Variants in CNRIP1 observed in about 807,000 individuals in gnomAD.
The protein encoded by CNRIP1 is CB1 cannabinoid receptor-interacting protein 1.
Under a neutral mutation model 15.2 loss-of-function variants are expected in CNRIP1, and 10 were observed. That is an observed-to-expected ratio of 0.66 (90% CI 0.41 to 1.12). The LOEUF is 1.12. CNRIP1 is among the 50% of genes most tolerant of loss of function. The pLI is 0.00. For missense variants in CNRIP1, 211 were observed against 214.7 expected, an observed-to-expected ratio of 0.98 and a Z score of 0.11; for synonymous variants, 91 against 83.2, an observed-to-expected ratio of 1.09 and a Z score of -0.51.
At position 68,293,413 on chromosome 2, in the gene CNRIP1, C is replaced by A; in HGVS notation, c.*449G>T. 2.0e-6 allele frequency: 2 copies of A among 986,342 alleles called. No individual in the cohort carries two copies. The highest frequency in any genetic ancestry group is 2.4e-6 in the Non-Finnish European group (2 of 830,512). The allele number at this position is 986,342 out of a possible 1,614,324, so 61.1% of individuals were successfully genotyped here. A position where few individuals can be genotyped will look rare whatever the true frequency, so the allele number is the denominator to read the frequency against. ...CTGCTTTGAAAGCTGGCAAACACTG[C>A]AAGTTACATGTTACCATATTACACA... On this transcript the variant is annotated 3_prime_UTR_variant, in exon 3 of 3. Transcript: ENST00000263655.
intron 2 of CNRIP1, among the ~76,000 whole-genome samples, chr2:68,308,699 G>A (rs923429438): frequency 4.6e-5 from 7 of 152,024 alleles, no homozygotes; most frequent in Admixed American, 2.6e-4. Context: ...ATAATGCTTG[G>A]TTTGAGCTTA....
downstream of CNRIP1, among the ~76,000 whole-genome samples, chr2:68,292,796 T>TGCCCGCCAAGCACCTGGGCCTGTGCTA: frequency 6.6e-6 from 1 of 152,152 alleles, no homozygotes; most frequent in Non-Finnish European, 1.5e-5. Flanking sequence ...ATTTTTTGAT[T>TGCCCGCCAAGCACCTGGGCCTGTGCTA]GCCCGCCAAG....
At chr2:68,286,044 T>C (rs2103873463) in intron 2 of CNRIP1, among the ~76,000 whole-genome samples, 1 of 152,310 alleles carries the variant, frequency 6.6e-6, no homozygotes. Flanking sequence ...ATTACCTATA[T>C]AGGTACTTAC....
At chr2:68,308,411 G>A (rs1157874782) in intron 2 of CNRIP1, among the ~76,000 whole-genome samples, 3 of 152,070 alleles carry the variant, frequency 2.0e-5, no homozygotes, top group Non-Finnish European at 2.9e-5. Context: ...TTGAAGAAGT[G>A]TCATATTTCT....
intron 2 of CNRIP1, among the ~76,000 whole-genome samples, chr2:68,298,212 G>C (rs1671458318): frequency 6.6e-6 from 1 of 151,950 alleles, no homozygotes; most frequent in African/African-American, 2.4e-5. Flanking sequence ...TTTTTGACCA[G>C]CACAAGGCAT....
chr2:68,294,206 A>G (rs1390691145), intron 2 of CNRIP1, among the ~76,000 whole-genome samples, 180 bp from the exon 3 acceptor site: 4 of 152,132 alleles, frequency 2.6e-5, no homozygotes, highest in Non-Finnish European at 5.9e-5. Flanking sequence ...GATGGGAGAT[A>G]TTTTCCTAAA....
intron 2 of CNRIP1, among the ~76,000 whole-genome samples, chr2:68,297,196 A>T (rs555983940): frequency 1.3e-5 from 2 of 152,376 alleles, no homozygotes; most frequent in East Asian, 3.9e-4. Flanking sequence ...AAAGGACCAT[A>T]TGCATTATTA....
At chr2:68,312,936 G>A (rs989759652) in intron 2 of CNRIP1, among the ~76,000 whole-genome samples, 8 of 152,058 alleles carry the variant, frequency 5.3e-5, no homozygotes, top group African/African-American at 1.9e-4. Context: ...CATGTTCATG[G>A]TATAGAAAAC....
intron 2 of CNRIP1, among the ~76,000 whole-genome samples, chr2:68,311,093 A>G (rs1672057693): frequency 6.6e-6 from 1 of 152,184 alleles, no homozygotes; most frequent in Non-Finnish European, 1.5e-5. Context: ...TCCTACAAAG[A>G]AAGGAGAGAA....
chr2:68,284,764 T>C (rs957690950), intron 2 of CNRIP1, among the ~76,000 whole-genome samples: 1 of 150,228 alleles, frequency 6.7e-6, no homozygotes, highest in Admixed American at 6.6e-5. Context: ...TGAGCTGAGA[T>C]TGTGCCACTG....
chr2:68,309,234 A>G (rs1317468456), intron 2 of CNRIP1, among the ~76,000 whole-genome samples: 1 of 152,200 alleles, frequency 6.6e-6, no homozygotes, highest in Non-Finnish European at 1.5e-5. Flanking sequence ...AGCATTTAAT[A>G]TTTCTAGAGG....
At chr2:68,318,962 C>T (rs1466383501) in intron 1 of CNRIP1, among the ~76,000 whole-genome samples, 2 of 152,228 alleles carry the variant, frequency 1.3e-5, no homozygotes, top group African/African-American at 2.4e-5. Context: ...AAGCAAAAAC[C>T]CTGGCTTCTT....
intron 2 of CNRIP1, among the ~76,000 whole-genome samples, chr2:68,307,102 A>G (rs1671882114): frequency 1.3e-5 from 2 of 152,360 alleles, no homozygotes; most frequent in South Asian, 4.1e-4. Context: ...TACAGTTGCA[A>G]TTATTTAACA....
In CNRIP1 at chr2:68,300,881, A is replaced by G. The variant is rs79409107; in HGVS notation, c.331-6855T>C. On this transcript the variant is annotated intron_variant, in intron 2 of 2. Transcript: ENST00000263655. Reference sequence around the variant, plus strand: ...AAATGGACAAGTTCTTCCTTGAAAGACACAAACTATGAGTTGACATCTACC... The same window carrying G: ...AAATGGACAAGTTCTTCCTTGAAAGGCACAAACTATGAGTTGACATCTACC... Among the ~76,000 whole-genome samples the G allele has an allele frequency of 2.0e-5, 3 of 152,184 alleles. No individual in the cohort carries two copies. In the South Asian group the frequency reaches 6.2e-4, roughly 32 times the overall value.
chr2:68,317,319 T>C lies in CNRIP1; in HGVS notation c.180-12A>G. On this transcript the variant is annotated splice_polypyrimidine_tract_variant and intron_variant, in intron 1 of 2. Coordinates refer to ENST00000263655, the MANE Select transcript of CNRIP1 (RefSeq NM_015463.3). ...CAATGGAAATATTCCTGCAATAGAC[T>C]TGAGTTGACCACATACGGTTGAAAT... is the stretch of plus-strand genomic sequence containing the variant. 1 of 1,613,222 alleles carries C rather than the reference T, an allele frequency of 6.2e-7. No individual in the cohort carries two copies. The highest frequency in any genetic ancestry group is 8.5e-7 in the Non-Finnish European group (1 of 1,179,964).
chr2:68,307,835 GCTC>G (rs771379433), intron 2 of CNRIP1, among the ~76,000 whole-genome samples: 5 of 152,044 alleles, frequency 3.3e-5, no homozygotes, highest in South Asian at 4.2e-4. Flanking sequence ...TGACCATTTT[GCTC>G]CTTTTAAAGT....
chr2:68,297,965 A>T (rs1273391840), intron 2 of CNRIP1, among the ~76,000 whole-genome samples: 1 of 152,102 alleles, frequency 6.6e-6, no homozygotes, highest in Non-Finnish European at 1.5e-5. Flanking sequence ...CCTTACTCAG[A>T]TTTTTTCTAC....
rs2103888407 is a variant in CNRIP1 at position 68,293,110 on chromosome 2, TGTGC to T, written c.*748_*751del. The T allele has an allele frequency of 1.0e-6, 1 of 985,492 alleles. No individual in the cohort carries two copies. Among genetic ancestry groups the T allele is most frequent in the Non-Finnish European group, 1.2e-6 (1 of 829,942 alleles). The allele number at this position is 985,492 out of a possible 1,614,324, so 61.0% of individuals were successfully genotyped here. A position where few individuals can be genotyped will look rare whatever the true frequency, so the allele number is the denominator to read the frequency against. On this transcript the variant is annotated 3_prime_UTR_variant, in exon 3 of 3. Coordinates refer to ENST00000263655, the MANE Select transcript of CNRIP1 (RefSeq NM_015463.3). ...AAGAAGACTGTAGGGATGCCATCAA[TGTGC>T]GTGTCTGAAGACTATGGAAGCTTGT...
intron 2 of CNRIP1, chr2:68,316,146 G>A (rs888376600): frequency 1.3e-5 from 2 of 151,870 alleles, no homozygotes; most frequent in African/African-American, 4.8e-5. Flanking sequence ...AACACTTTAA[G>A]TTTCCAAAGG....
Sources: allele counts gnomAD v4.1 joint callset (sites outside exome capture counted in the v4.1 genomes callset), GRCh38; gene constraint gnomAD v4.1.1; transcripts MANE v1.5; gene names NCBI Gene and HGNC (gene_info 2026-07-23, HGNC 2026-07-21).